PFKFB3: variants seen among roughly 807,000 people sequenced by gnomAD.
PFKFB3 encodes 6-phosphofructo-2-kinase/fructose-2,6-bisphosphatase 3.
A neutral mutation model predicts 68.0 loss-of-function variants in PFKFB3; 33 were observed. The ratio of observed to expected loss-of-function variants is 0.49; its 90% CI spans 0.37 to 0.65. The LOEUF (loss-of-function observed/expected upper bound fraction) is 0.65, where lower values mean the gene tolerates loss of function less well. Among genes scored for constraint, PFKFB3 ranks in the 30% least tolerant of loss-of-function variants. The pLI is 0.00. For synonymous variants in PFKFB3, 315 were observed against 288.2 expected (o/e 1.09, Z -0.94); for missense variants, 586 against 712.2 (o/e 0.82, Z 2.02).
intron 1 of PFKFB3, among the ~76,000 whole-genome samples, chr10:6,173,499 G>A (rs550489918): frequency 6.6e-6 from 1 of 152,292 alleles, no homozygotes; most frequent in African/African-American, 2.4e-5. Flanking sequence ...CCTAGGGTGT[G>A]GCGGGAAACA....
chr10:6,285,906 A>C, the PFKFB3 span, among the ~76,000 whole-genome samples: 1 of 151,522 alleles, frequency 6.6e-6, no homozygotes, highest in Non-Finnish European at 1.5e-5. Context: ...TTAAGACTGA[A>C]TAATATTTCA....
the PFKFB3 span, chr10:6,277,758 G>T: frequency 2.3e-6 from 1 of 428,350 alleles, no homozygotes; most frequent in East Asian, 8.0e-5. Flanking sequence ...ACAGCCTAAG[G>T]AACTATGAGC....
intron 1 of PFKFB3, among the ~76,000 whole-genome samples, chr10:6,210,364 G>GTTTTTT (rs1375867755): frequency 1.7e-5 from 1 of 58,638 alleles, no homozygotes; most frequent in Non-Finnish European, 4.4e-5. Flanking sequence ...TTGTTTTTTT[G>GTTTTTT]TTTTTTTTTT....
chr10:6,164,951 C>T (rs566645202), intron 1 of PFKFB3, among the ~76,000 whole-genome samples: 1 of 152,146 alleles, frequency 6.6e-6, no homozygotes. Flanking sequence ...CATTCCATTC[C>T]CAGGGATGAG....
intron 14 of PFKFB3, among the ~76,000 whole-genome samples, chr10:6,232,230 T>TTTTGCGGGG (rs1845792472): frequency 8.0e-6 from 1 of 124,226 alleles, no homozygotes; most frequent in Non-Finnish European, 1.6e-5. Flanking sequence ...TCGCTGATTT[T>TTTTGCGGGG]GGAGCATGTT....
chr10:6,314,078 T>C, the PFKFB3 span, among the ~76,000 whole-genome samples: 320 of 152,344 alleles, frequency 2.1e-3, 1 homozygote, highest in African/African-American at 7.4e-3. Context: ...CACTGTTTCC[T>C]GAGAAGTAAA....
intron 1 of PFKFB3, among the ~76,000 whole-genome samples, chr10:6,209,045 C>T (rs1012748574): frequency 6.6e-6 from 1 of 152,250 alleles, no homozygotes; most frequent in African/African-American, 2.4e-5. Context: ...CAAGTAGCCT[C>T]TGTCTCACGG....
At chr10:6,149,263 C>A (rs1289001112) in intron 1 of PFKFB3, among the ~76,000 whole-genome samples, 1 of 152,034 alleles carries the variant, frequency 6.6e-6, no homozygotes, top group African/African-American at 2.4e-5. Context: ...TTCAGAGGGA[C>A]AAGGGAATAG....
intron 1 of PFKFB3, among the ~76,000 whole-genome samples, chr10:6,182,604 G>C (rs1330784405): frequency 6.6e-6 from 1 of 152,214 alleles, no homozygotes; most frequent in African/African-American, 2.4e-5. Context: ...GGTCCCGAGC[G>C]GGAGTGCCGG....
In PFKFB3 at chr10:6,215,455, G is replaced by GT. The variant is rs1554850820; in HGVS notation, c.299+138_299+139insT. 0.019 allele frequency: 13,381 copies of GT among 698,184 alleles called. 1,256 individuals carry two copies. In the African/African-American group the frequency reaches 0.21, roughly 11 times the overall value. The allele number at this position is 698,184 out of a possible 1,614,324, so 43.2% of individuals were successfully genotyped here. ...GAATAAGGCTGGGCTGCGGGGCTGCGGGTGTAAGGCTGGGCTGCGGGCTTG... is the reference window on the plus strand; with the variant it reads ...GAATAAGGCTGGGCTGCGGGGCTGCGTGGTGTAAGGCTGGGCTGCGGGCTTG... On this transcript the variant is annotated intron_variant, in intron 3 of 14. Coordinates refer to ENST00000379775, the MANE Select transcript of PFKFB3 (RefSeq NM_004566.4). This position sits in a 1 kb window ranked among gnomAD's most constrained non-coding sequence, Gnocchi z 4.3.
At chr10:6,268,881 G>C in the PFKFB3 span, among the ~76,000 whole-genome samples, 2 of 151,374 alleles carry the variant, frequency 1.3e-5, no homozygotes, top group African/African-American at 4.9e-5. Context: ...AAACTAGCTG[G>C]GCATGGTGGT....
chr10:6,155,714 G>T (rs1841760311), intron 1 of PFKFB3, among the ~76,000 whole-genome samples: 1 of 152,010 alleles, frequency 6.6e-6, no homozygotes, highest in African/African-American at 2.4e-5. Flanking sequence ...GTCCTGGTTT[G>T]TCCATATTTC....
chr10:6,177,384 CTTTCT>C (rs1161404073), intron 1 of PFKFB3, among the ~76,000 whole-genome samples: 1 of 111,612 alleles, frequency 9.0e-6, no homozygotes. Flanking sequence ...TTCTTTCTTT[CTTTCT>C]TTCTTTCTTT....
chr10:6,308,928 G>A, the PFKFB3 span, among the ~76,000 whole-genome samples: 1 of 152,186 alleles, frequency 6.6e-6, no homozygotes, highest in East Asian at 1.9e-4. Flanking sequence ...GACACACAAA[G>A]AATAGAAGAA....
chr10:6,231,727 C>G, intron 14 of PFKFB3: 13 of 300,978 alleles, frequency 4.3e-5, no homozygotes, highest in Non-Finnish European at 6.4e-5. Flanking sequence ...TGCCCCCTCC[C>G]AGTGGGCACC....
At chr10:6,306,414 C>T in the PFKFB3 span, among the ~76,000 whole-genome samples, 1 of 152,188 alleles carries the variant, frequency 6.6e-6, no homozygotes, top group African/African-American at 2.4e-5. Context: ...GCATTTAGTC[C>T]TCAGATGGCT....
intron 10 of PFKFB3, 135 bp from the exon 11 acceptor site, chr10:6,222,720 C>A: frequency 1.0e-6 from 1 of 956,162 alleles, no homozygotes; most frequent in African/African-American, 1.7e-5. Flanking sequence ...TTAAACCCTG[C>A]TCCTTCTCAA....
rs373654058 is a variant in PFKFB3 at position 6,222,341 on chromosome 10, A to C, written c.1084-514A>C. On this transcript the variant is annotated intron_variant, in intron 10 of 14. Transcript: ENST00000379775. Reference sequence around the variant, plus strand: ...CTCCTGCTTCTTTTTACATTTTTAAATTGATAGAAAATACACATAACCTAA... The same window carrying C: ...CTCCTGCTTCTTTTTACATTTTTAACTTGATAGAAAATACACATAACCTAA... Among the ~76,000 whole-genome samples, 34 of 152,352 alleles carry C rather than the reference A, an allele frequency of 2.2e-4. No individual in the cohort carries two copies. The East Asian group carries it at 4.8e-3, about 22-fold the overall frequency.
the PFKFB3 span, among the ~76,000 whole-genome samples, chr10:6,318,769 C>A: frequency 1.3e-5 from 2 of 152,178 alleles, no homozygotes; most frequent in Non-Finnish European, 2.9e-5. Context: ...TCCCAGGAGG[C>A]AATCAGTCCT....
Sources: gnomAD v4.1 joint callset for allele counts (sites outside exome capture counted in the v4.1 genomes callset) on GRCh38, gnomAD v4.1.1 for gene constraint, Gnocchi (gnomAD v3.1) non-coding constraint, MANE v1.5 for transcripts, NCBI Gene and HGNC (gene_info 2026-07-23, HGNC 2026-07-21) for gene names.